Variants in ITGB6 observed in about 807,000 individuals in gnomAD.
The protein encoded by ITGB6 is integrin beta-6.
Under a neutral mutation model 84.5 loss-of-function variants are expected in ITGB6, and 80 were observed. That is an observed-to-expected ratio of 0.95 (90% CI 0.79 to 1.14). ITGB6 has a LOEUF of 1.14. Ranked by LOEUF, ITGB6 falls within the 50% of genes most tolerant of loss-of-function variation. The pLI is 0.00. For synonymous variants in ITGB6, 383 were observed against 354.9 expected (o/e 1.08, Z -0.89); for missense variants, 1,006 against 968.0 (o/e 1.04, Z -0.52).
At chr2:160,182,904 C>T (rs1274843215) in intron 4 of ITGB6, among the ~76,000 whole-genome samples, 1 of 152,020 alleles carries the variant, frequency 6.6e-6, no homozygotes, top group Non-Finnish European at 1.5e-5. Flanking sequence ...GCTTCATAAG[C>T]GAAGGAGAAA....
intron 7 of ITGB6, among the ~76,000 whole-genome samples, chr2:160,155,688 C>A (rs1408776365): frequency 1.3e-5 from 2 of 152,110 alleles, no homozygotes; most frequent in African/African-American, 4.8e-5. Flanking sequence ...GAGAAGGAGG[C>A]ACTCAGTGGG....
In ITGB6 at chr2:160,171,333, T is replaced by A. The variant is rs551953992; in HGVS notation, c.921+1236A>T. Among the ~76,000 whole-genome samples the A allele has an allele frequency of 2.9e-4, 42 of 146,632 alleles. 1 individual carries two copies. Among genetic ancestry groups the A allele is most frequent in the Non-Finnish European group, 1.2e-4 (8 of 66,234 alleles). ...GCTGCTTCAGAAATCAAATTTATTT[T>A]TTTATTTTTTTTTTTTTTGGAGACG... is the stretch of plus-strand genomic sequence containing the variant. On this transcript the variant is annotated intron_variant, in intron 6 of 14. Transcript: ENST00000283249.
chr2:160,141,009 T>G (rs569584203), intron 8 of ITGB6, among the ~76,000 whole-genome samples: 11 of 152,246 alleles, frequency 7.2e-5, no homozygotes, highest in African/African-American at 2.6e-4. Context: ...TTCTGATACG[T>G]CGTTTTAGTT....
Position 160,195,728 on chromosome 2 carries a change from A to T in ITGB6, c.347-113T>A, listed in dbSNP as rs1686310677. On this transcript the variant is annotated intron_variant, in intron 3 of 14. Transcript: ENST00000283249. ...CACCTCAATAAGAACTTACTGAAAT[A>T]CATATGATTTTATTAACTGTGTGGT... 38 of 1,155,636 alleles carry T rather than the reference A, an allele frequency of 3.3e-5. No individual in the cohort carries two copies. In the South Asian group the frequency reaches 5.5e-4, roughly 17 times the overall value. 71.6% of individuals were successfully genotyped at this position (1,155,636 alleles called of 1,614,324 possible). A position where few individuals can be genotyped will look rare whatever the true frequency, so the allele number is the denominator to read the frequency against.
At chr2:160,157,056 T>C (rs1333284326) in intron 7 of ITGB6, among the ~76,000 whole-genome samples, 1 of 152,162 alleles carries the variant, frequency 6.6e-6, no homozygotes, top group African/African-American at 2.4e-5. Context: ...GCAGCAATCC[T>C]TGGAGCTCCT....
intron 14 of ITGB6, among the ~76,000 whole-genome samples, chr2:160,105,698 T>C (rs756198691): frequency 6.6e-6 from 1 of 152,190 alleles, no homozygotes; most frequent in Non-Finnish European, 1.5e-5. Flanking sequence ...AACTTAACCA[T>C]ATTCTTTTAC....
rs1333912522 is a variant in ITGB6 at position 160,172,575 on chromosome 2, A to G, written c.915T>C (p.Thr305=). ...CAGAGTGCAGGTTACACACCAAGAC[A>G]GTTGACATGGAGTATTCATTCTTGC... ...LDSKNEYSMS[T]VLEYPTIGQL... The change falls in exon 6 of 15, where the codon ACT becomes ACC. Residue 305 remains threonine, a synonymous_variant. Transcript: ENST00000283249. 1 of 1,598,410 alleles carries G rather than the reference A, an allele frequency of 6.3e-7. No individual in the cohort carries two copies.
At chr2:160,128,432 A>G (rs773685314) in intron 10 of ITGB6, among the ~76,000 whole-genome samples, 12 of 152,326 alleles carry the variant, frequency 7.9e-5, no homozygotes, top group Non-Finnish European at 1.5e-4. Context: ...AAATCAGACC[A>G]TGAAAAGCCT....
chr2:160,163,669 TC>T (rs1684902924), intron 7 of ITGB6, among the ~76,000 whole-genome samples: 1 of 152,030 alleles, frequency 6.6e-6, no homozygotes, highest in East Asian at 1.9e-4. Flanking sequence ...AAAATCTGTG[TC>T]TGGTGGTCTA....
intron 7 of ITGB6, among the ~76,000 whole-genome samples, chr2:160,155,138 C>G (rs1456129536): frequency 1.3e-5 from 2 of 152,186 alleles, no homozygotes; most frequent in African/African-American, 2.4e-5. Context: ...CTGCAGAACT[C>G]TGAGTCAATT....
chr2:160,121,778 A>G (rs202142694), intron 12 of ITGB6, among the ~76,000 whole-genome samples: 2 of 8,708 alleles, frequency 2.3e-4, no homozygotes, highest in African/African-American at 5.6e-3. Context: ...AAAAAAAAAG[A>G]AAAAAAAAAA....
chr2:160,183,263 C>G (rs770927992), intron 4 of ITGB6, among the ~76,000 whole-genome samples: 1 of 152,006 alleles, frequency 6.6e-6, no homozygotes, highest in Non-Finnish European at 1.5e-5. Context: ...TACAAAGACA[C>G]GCATGGGCTC....
Position 160,196,383 on chromosome 2 carries a change from TC to T in ITGB6, c.178del (p.Asp60IlefsTer7). 1 of 1,614,024 alleles carries T rather than the reference TC, an allele frequency of 6.2e-7. No individual in the cohort carries two copies. The highest frequency in any genetic ancestry group is 8.5e-7 in the Non-Finnish European group (1 of 1,179,966). On this transcript the variant is annotated frameshift_variant, in exon 3 of 15. Transcript: ENST00000283249. LOFTEE classifies it high-confidence loss of function. ...TTTAGCTAAAAGGTTTGCTGGGGTA[TC>T]ACACCTTTCGCCAACTCCAGATGGA... ...THPSGVGERCDTPANLLAKGC... is the reference protein window; with the variant it reads ...THPSGVGERCXTPANLLAKGC...
intron 12 of ITGB6, among the ~76,000 whole-genome samples, chr2:160,121,903 T>C (rs185610011): frequency 1.3e-5 from 2 of 150,852 alleles, no homozygotes; most frequent in African/African-American, 2.4e-5. Flanking sequence ...TTTTTTTTAC[T>C]CCTGGGGAGT....
chr2:160,159,695 G>C (rs76311374), intron 7 of ITGB6, among the ~76,000 whole-genome samples: 1 of 151,890 alleles, frequency 6.6e-6, no homozygotes, highest in Non-Finnish European at 1.5e-5. Flanking sequence ...CTTTGCACAC[G>C]CCTTTGCCTC....
intron 13 of ITGB6, among the ~76,000 whole-genome samples, chr2:160,108,836 G>T (rs6729540): frequency 6.6e-6 from 1 of 152,102 alleles, no homozygotes; most frequent in Non-Finnish European, 1.5e-5. Flanking sequence ...TATACAGTAC[G>T]TTTCCTAATT....
At chr2:160,146,182 A>T (rs1013701465) in intron 7 of ITGB6, among the ~76,000 whole-genome samples, 2 of 152,124 alleles carry the variant, frequency 1.3e-5, no homozygotes, top group African/African-American at 4.8e-5. Context: ...AGCTAGCGGC[A>T]ATTTTTTCTT....
chr2:160,110,452 C>G (rs1463146749), intron 13 of ITGB6, among the ~76,000 whole-genome samples: 1 of 152,150 alleles, frequency 6.6e-6, no homozygotes, highest in Non-Finnish European at 1.5e-5. Flanking sequence ...TTCCCCTTTT[C>G]TATCCTCATC....
At chr2:160,143,170 C>T (rs1287233904) in intron 7 of ITGB6, among the ~76,000 whole-genome samples, 19 of 152,064 alleles carry the variant, frequency 1.2e-4, no homozygotes, top group Admixed American at 1.2e-3. Context: ...CCTGTAGTCC[C>T]AGCTACTTGG....
Sources: allele counts gnomAD v4.1 joint callset (sites outside exome capture counted in the v4.1 genomes callset), GRCh38; gene constraint gnomAD v4.1.1; transcripts MANE v1.5; gene names NCBI Gene and HGNC (gene_info 2026-07-23, HGNC 2026-07-21).